The following TTC28 variants were observed in gnomAD, a reference collection of about 807,000 sequenced individuals.
TTC28 encodes the protein tetratricopeptide repeat protein 28.
In TTC28, 61 loss-of-function variants were observed where a neutral mutation model predicts 198.0. That is an observed-to-expected ratio of 0.31 (90% CI 0.25 to 0.38). The LOEUF (loss-of-function observed/expected upper bound fraction) is 0.38. Ranked by LOEUF, TTC28 falls within the 10% of genes least tolerant of loss-of-function variation. The probability of loss-of-function intolerance (pLI) is 1.00; values close to 1 mark genes in which losing one functional copy is unlikely to be tolerated. For missense variants in TTC28, 2,678 were observed against 3,164.0 expected (o/e 0.85, Z 3.69); for synonymous variants, 1,171 against 1,297.8 (o/e 0.90, Z 2.10).
At chr22:28,366,292 A>G (rs1231965793) in intron 2 of TTC28, among the ~76,000 whole-genome samples, 2 of 152,116 alleles carry the variant, frequency 1.3e-5, no homozygotes, top group Admixed American at 1.3e-4. Context: ...AATCTAACAC[A>G]ATATATTTTC....
intron 2 of TTC28, among the ~76,000 whole-genome samples, chr22:28,544,435 C>A (rs1360111323): frequency 6.6e-6 from 1 of 152,150 alleles, no homozygotes; most frequent in Non-Finnish European, 1.5e-5. Flanking sequence ...CAAACTAAGA[C>A]TAGAATGAAA....
At position 27,982,293 on chromosome 22, in the gene TTC28, A is replaced by T; in HGVS notation, c.7374T>A (p.Pro2458=). The change falls in exon 23 of 23, where the codon CCT becomes CCA. Residue 2458 remains proline, a synonymous_variant. Transcript: ENST00000397906. The surrounding 1 kb of genome is among the most constrained non-coding windows in gnomAD (Gnocchi z 5.2). ...AGPPATAPAR[P]LRLPSGNGYK... The stretch of plus-strand genomic sequence containing the variant: ...AGCCATTTCCAGAAGGAAGCCTCAA[A>T]GGGCGCGCGGGGGCTGTGGCGGGAG... 1 of 1,494,500 alleles carries T rather than the reference A, an allele frequency of 6.7e-7. No homozygotes were observed. The highest frequency in any genetic ancestry group is 1.3e-5 in the South Asian group (1 of 74,620). The allele number at this position is 1,494,500 out of a possible 1,614,324, so 92.6% of individuals were successfully genotyped here.
intron 2 of TTC28, among the ~76,000 whole-genome samples, chr22:28,530,633 G>C (rs1373252060): frequency 6.6e-6 from 1 of 152,088 alleles, no homozygotes; most frequent in Non-Finnish European, 1.5e-5. Context: ...TGAAATGAAG[G>C]AAAAAATATT....
intron 14 of TTC28, among the ~76,000 whole-genome samples, chr22:28,008,841 C>G (rs570925127): frequency 6.6e-6 from 1 of 152,140 alleles, no homozygotes; most frequent in Admixed American, 6.5e-5. Flanking sequence ...GAGGGAGGGA[C>G]GCTGGAGAGA....
At chr22:28,276,962 C>G (rs2044484938) in intron 5 of TTC28, among the ~76,000 whole-genome samples, 1 of 151,944 alleles carries the variant, frequency 6.6e-6, no homozygotes, top group African/African-American at 2.4e-5. Context: ...CTTGATTTGC[C>G]TAGGCAAGCC....
At chr22:28,111,528 ATT>A (rs201771228) in intron 6 of TTC28, among the ~76,000 whole-genome samples, 7 of 149,304 alleles carry the variant, frequency 4.7e-5, no homozygotes, top group African/African-American at 1.5e-4. Context: ...CTCAGAGGAA[ATT>A]TTTTTTTTTA....
intron 2 of TTC28, among the ~76,000 whole-genome samples, chr22:28,542,715 C>T (rs2049442451): frequency 6.6e-6 from 1 of 151,902 alleles, no homozygotes; most frequent in African/African-American, 2.4e-5. Context: ...TAAGAGATAA[C>T]AGAAAAGATT....
At chr22:28,114,181 G>A (rs1942568151) in intron 6 of TTC28, among the ~76,000 whole-genome samples, 1 of 152,164 alleles carries the variant, frequency 6.6e-6, no homozygotes, top group Non-Finnish European at 1.5e-5. Flanking sequence ...GGCTAAAATG[G>A]CCAAGAAAAT....
intron 2 of TTC28, among the ~76,000 whole-genome samples, chr22:28,555,289 T>C (rs1254682830): frequency 6.6e-6 from 1 of 152,202 alleles, no homozygotes; most frequent in East Asian, 1.9e-4. Context: ...GTGTGGAGAC[T>C]CATTAAACAA....
chr22:28,460,656 T>TAGAC (rs1568958159), intron 2 of TTC28, among the ~76,000 whole-genome samples: 1 of 100,570 alleles, frequency 9.9e-6, no homozygotes, highest in African/African-American at 3.7e-5. Context: ...GATAGATAGA[T>TAGAC]AGATAGATAG....
In TTC28 at chr22:27,982,666, G is replaced by A. The variant is rs1368298910; in HGVS notation, c.7001C>T (p.Ser2334Leu). ...LSYSSAGSARSSPADAPDIDK... is the reference protein window; with the variant it reads ...LSYSSAGSARLSPADAPDIDK... ...TATGTCGGGAGCGTCTGCTGGACTT[G>A]AGCGAGCAGATCCAGCTGAGGAGTA... is the stretch of plus-strand genomic sequence containing the variant. Residue 2334 changes from serine to leucine, a missense_variant, in exon 23 of 23, where the codon TCA becomes TTA. By Grantham distance (145) the Ser-to-Leu change is moderately radical. Transcript: ENST00000397906. This position sits in a 1 kb window ranked among gnomAD's most constrained non-coding sequence, Gnocchi z 5.2. 2 of 1,551,730 alleles carry A rather than the reference G, an allele frequency of 1.3e-6. No homozygotes were observed. The highest frequency in any genetic ancestry group is 2.4e-5 in the East Asian group (1 of 40,896).
intron 2 of TTC28, among the ~76,000 whole-genome samples, chr22:28,390,458 T>A (rs1312543650): frequency 6.6e-6 from 1 of 152,098 alleles, no homozygotes; most frequent in Non-Finnish European, 1.5e-5. Flanking sequence ...AAGTCTCCCA[T>A]TATTAATGTG....
At position 27,999,707 on chromosome 22, in the gene TTC28, A is replaced by C. The variant is rs541584392; in HGVS notation, c.4399-447T>G. On this transcript the variant is annotated intron_variant, in intron 15 of 22. Transcript: ENST00000397906. ...GCAAACAAGCAAGCCAATCTTGGGG[A>C]GACAGGGCTAAACTTAAGTCCTTTA... The C allele has an allele frequency of 2.6e-4, 43 of 163,210 alleles. 1 individual carries two copies. In the South Asian group the frequency reaches 7.6e-3, roughly 29 times the overall value. 10.1% of individuals were successfully genotyped at this position (163,210 alleles called of 1,614,324 possible).
intron 12 of TTC28, among the ~76,000 whole-genome samples, chr22:28,068,919 G>A (rs913010752): frequency 3.9e-5 from 6 of 152,088 alleles, no homozygotes; most frequent in African/African-American, 1.2e-4. Context: ...TAAATGATAC[G>A]TCAGATTGCA....
chr22:28,378,188 A>G lies in TTC28; in HGVS notation c.382-71545T>C, dbSNP rs144188316. 8.6e-3 allele frequency among the ~76,000 whole-genome samples: 1,309 copies of G among 152,172 alleles called. 17 individuals carry two copies. The highest frequency in any genetic ancestry group is 0.03 in the African/African-American group (1,237 of 41,536). On this transcript the variant is annotated intron_variant, in intron 2 of 22. Coordinates refer to ENST00000397906, the MANE Select transcript of TTC28 (RefSeq NM_001145418.2). ...CAAAACTCTGTCTCTACTAAAAAAT[A>G]CAAGAACATTAGCCAGGCATGGTGG...
intron 6 of TTC28, among the ~76,000 whole-genome samples, chr22:28,140,816 A>G (rs1943313531): frequency 6.6e-6 from 1 of 152,100 alleles, no homozygotes; most frequent in South Asian, 2.1e-4. Flanking sequence ...CCTCAGACTG[A>G]TCTTCTTGAG....
chr22:27,998,970 G>C lies in TTC28; in HGVS notation c.4689C>G (p.Asp1563Glu), dbSNP rs763733242. The C allele has an allele frequency of 6.4e-7, 1 of 1,550,698 alleles. No individual in the cohort carries two copies. Among genetic ancestry groups the C allele is most frequent in the Non-Finnish European group, 8.7e-7 (1 of 1,146,992 alleles). The change falls in exon 16 of 23, where the codon GAC (aspartate) becomes GAG (glutamate). Residue 1563 changes from aspartate to glutamate, a missense_variant. Around this residue, in one of 8 missense-constraint regions of TTC28, gnomAD observed 727 missense variants for 861.9 expected, o/e 0.84. Transcript: ENST00000397906. ...LSALVLTPSM[D>E]GNPASSKSSF... ...AGCTCTTGCTGCTGGCAGGGTTGCC[G>C]TCCATGCTGGGCGTGAGGACCAAGG...
intron 2 of TTC28, among the ~76,000 whole-genome samples, chr22:28,537,418 G>C (rs866488763): frequency 6.6e-6 from 1 of 151,768 alleles, no homozygotes; most frequent in African/African-American, 2.4e-5. Flanking sequence ...TTTAGAATAC[G>C]ATATTGTTTC....
At chr22:28,449,088 TAAGAGCCCAACTCTTAGCCAAA>T (rs1306081105) in intron 2 of TTC28, among the ~76,000 whole-genome samples, 1 of 152,184 alleles carries the variant, frequency 6.6e-6, no homozygotes, top group Non-Finnish European at 1.5e-5. Context: ...ATCTGACTCT[TAAGAGCCCAACTCTTAGCCAAA>T]GCTAAGTGCT....
Sources: allele counts gnomAD v4.1 joint callset (sites outside exome capture counted in the v4.1 genomes callset), GRCh38; gene constraint gnomAD v4.1.1; regional missense constraint gnomAD v4.1.1; non-coding constraint Gnocchi (gnomAD v3.1); transcripts MANE v1.5; gene names NCBI Gene and HGNC (gene_info 2026-07-23, HGNC 2026-07-21).